Variants in WHRN observed in about 807,000 individuals in gnomAD.
WHRN encodes the protein CASK-interacting protein CIP98.
WHRN carries 41 observed loss-of-function variants against 68.3 expected under a neutral mutation model. The observed-to-expected ratio is 0.60, with a 90% CI of 0.47 to 0.78. The LOEUF is 0.78. Ranked by LOEUF, WHRN falls within the 30% of genes least tolerant of loss-of-function variation. The pLI is 0.00. For missense variants in WHRN, 1,243 were observed against 1,244.7 expected (o/e 1.00, Z 0.02); for synonymous variants, 560 against 561.3 (o/e 1.00, Z 0.03).
chr9:114,504,872 G>A lies in WHRN; in HGVS notation c.-71C>T, dbSNP rs1844274111. 3.7e-6 allele frequency: 5 copies of A among 1,335,440 alleles called. No individual in the cohort carries two copies. Among genetic ancestry groups the A allele is most frequent in the Non-Finnish European group, 4.8e-6 (5 of 1,052,322 alleles). The allele number at this position is 1,335,440 out of a possible 1,614,324, so 82.7% of individuals were successfully genotyped here. On this transcript the variant is annotated 5_prime_UTR_variant, in exon 1 of 12. Coordinates refer to ENST00000362057, the MANE Select transcript of WHRN (RefSeq NM_015404.4). ...CGGTGCCGCTGTCCTCGCGGGTACT[G>A]GCGCGACAGCTGGATCCCCGGGAGC...
rs570861275 is a variant in WHRN at position 114,425,212 on chromosome 9, G to A, written c.1167-188C>T. On this transcript the variant is annotated intron_variant, in intron 4 of 11. Transcript: ENST00000362057. ...AGGAAACTCCGGACAGACTGGCAGC[G>A]TCCAGCCTCCCAATCAGCAGTGTGC... 135 of 718,504 alleles carry A rather than the reference G, an allele frequency of 1.9e-4. No homozygotes were observed. The East Asian group carries it at 2.8e-3, about 15-fold the overall frequency. 44.5% of individuals were successfully genotyped at this position (718,504 alleles called of 1,614,324 possible).
chr9:114,465,901 G>C (rs905087398), intron 3 of WHRN, among the ~76,000 whole-genome samples: 2 of 152,172 alleles, frequency 1.3e-5, no homozygotes, highest in Non-Finnish European at 2.9e-5. Flanking sequence ...AATAACTGCT[G>C]GTTGTCTGGA....
chr9:114,476,289 T>C (rs1247691350), intron 2 of WHRN, among the ~76,000 whole-genome samples: 1 of 152,038 alleles, frequency 6.6e-6, no homozygotes, highest in African/African-American at 2.4e-5. Context: ...TATGAGTTAT[T>C]GAGACTCCCA....
chr9:114,409,474 G>A (rs1835276410), intron 7 of WHRN, among the ~76,000 whole-genome samples: 1 of 152,202 alleles, frequency 6.6e-6, no homozygotes, highest in Admixed American at 6.5e-5. Flanking sequence ...TCAGACAGAG[G>A]AAAGGGTGTA....
At chr9:114,486,832 A>AAG (rs1398885395) in intron 1 of WHRN, among the ~76,000 whole-genome samples, 11 of 149,390 alleles carry the variant, frequency 7.4e-5, no homozygotes, top group African/African-American at 7.4e-5. Flanking sequence ...AAAAAAAAAA[A>AAG]AGAGAGAAAT....
At chr9:114,468,326 T>G (rs1340988401) in intron 2 of WHRN, among the ~76,000 whole-genome samples, 2 of 152,150 alleles carry the variant, frequency 1.3e-5, no homozygotes, top group African/African-American at 4.8e-5. Flanking sequence ...CCTGACAATG[T>G]CACACAGTCG....
intron 3 of WHRN, among the ~76,000 whole-genome samples, chr9:114,462,638 A>G (rs1407633760): frequency 6.6e-6 from 1 of 152,202 alleles, no homozygotes; most frequent in African/African-American, 2.4e-5. Context: ...TAAACTGAGG[A>G]CTGACAGGCG....
chr9:114,414,329 T>A (rs1835663038), intron 7 of WHRN, among the ~76,000 whole-genome samples: 1 of 152,244 alleles, frequency 6.6e-6, no homozygotes. Flanking sequence ...CGTTGTGTTT[T>A]CATATTCTGA....
chr9:114,435,227 G>A (rs967289794), intron 3 of WHRN, among the ~76,000 whole-genome samples: 18 of 152,192 alleles, frequency 1.2e-4, no homozygotes, highest in African/African-American at 3.9e-4. Flanking sequence ...GCACCCCCTT[G>A]AATGGCACAT....
chr9:114,503,880 T>C (rs1433353181), intron 1 of WHRN, among the ~76,000 whole-genome samples: 1 of 152,212 alleles, frequency 6.6e-6, no homozygotes, highest in African/African-American at 2.4e-5. Flanking sequence ...TTAATGCTCA[T>C]AAGAATCCAC....
chr9:114,451,884 A>G (rs996984461), intron 3 of WHRN, among the ~76,000 whole-genome samples: 1 of 152,208 alleles, frequency 6.6e-6, no homozygotes, highest in Non-Finnish European at 1.5e-5. Context: ...TCTGGGCTTC[A>G]GCTGCCCATC....
chr9:114,487,095 A>T (rs1358772967), intron 1 of WHRN, among the ~76,000 whole-genome samples: 1 of 147,790 alleles, frequency 6.8e-6, no homozygotes, highest in Non-Finnish European at 1.5e-5. Flanking sequence ...TAACAGAGGT[A>T]TTATCTCACA....
intron 8 of WHRN, among the ~76,000 whole-genome samples, 189 bp downstream of exon 8, chr9:114,407,758 G>A (rs969418979): frequency 6.6e-6 from 1 of 152,208 alleles, no homozygotes. Context: ...TGATCCTGGT[G>A]CCTGCTAGAG....
At chr9:114,449,366 C>T (rs1839108891) in intron 3 of WHRN, among the ~76,000 whole-genome samples, 1 of 152,232 alleles carries the variant, frequency 6.6e-6, no homozygotes, top group African/African-American at 2.4e-5. Context: ...GAATGGTTCA[C>T]AGGGACCCTG....
At chr9:114,413,582 G>T (rs1564123111) in intron 7 of WHRN, among the ~76,000 whole-genome samples, 2 of 152,212 alleles carry the variant, frequency 1.3e-5, no homozygotes, top group Non-Finnish European at 2.9e-5. Context: ...CCAAGCACAG[G>T]GTAGGGGTGT....
At chr9:114,410,291 T>C (rs1835340706) in intron 7 of WHRN, among the ~76,000 whole-genome samples, 1 of 152,230 alleles carries the variant, frequency 6.6e-6, no homozygotes, top group South Asian at 2.1e-4. Flanking sequence ...AGGCAGGACA[T>C]GCAACTACTC....
At chr9:114,503,068 A>G in intron 1 of WHRN, 1 of 943,112 alleles carries the variant, frequency 1.1e-6, no homozygotes, top group Non-Finnish European at 1.3e-6. Context: ...AGGGAAGCCA[A>G]CATCAGGTGC....
At chr9:114,425,586 G>GACAC (rs148103230) in intron 4 of WHRN, 30,985 of 153,766 alleles carry the variant, frequency 0.2, 3,188 homozygotes, top group Non-Finnish European at 0.22. Context: ...GGAAGGGGGA[G>GACAC]ACACACACAC....
chr9:114,457,061 AT>A (rs1839869489), intron 3 of WHRN, among the ~76,000 whole-genome samples: 1 of 152,194 alleles, frequency 6.6e-6, no homozygotes, highest in African/African-American at 2.4e-5. Flanking sequence ...ACAGAGATGA[AT>A]ACATACAGAT....
Sources: allele counts gnomAD v4.1 joint callset (sites outside exome capture counted in the v4.1 genomes callset), GRCh38; gene constraint gnomAD v4.1.1; transcripts MANE v1.5; gene names NCBI Gene and HGNC (gene_info 2026-07-23, HGNC 2026-07-21).